RAD51B: variants seen among roughly 807,000 people sequenced by gnomAD.
RAD51B encodes the protein DNA repair protein RAD51 homolog 2.
A neutral mutation model predicts 42.2 loss-of-function variants in RAD51B; 38 were observed. The observed-to-expected ratio is 0.90, with a 90% confidence interval of 0.70 to 1.18. The LOEUF (loss-of-function observed/expected upper bound fraction) is 1.18, where lower values mean the gene tolerates loss of function less well. Among genes scored for constraint, RAD51B ranks in the 50% most tolerant of loss-of-function variants. RAD51B has a pLI of 0.00. For synonymous variants in RAD51B, 154 were observed against 145.2 expected (o/e 1.06, Z -0.43); for missense variants, 373 against 400.7 (o/e 0.93, Z 0.59).
chr14:68,272,981 G>T (rs1395184646), intron 7 of RAD51B, among the ~76,000 whole-genome samples: 2 of 151,662 alleles, frequency 1.3e-5, no homozygotes, highest in Non-Finnish European at 2.9e-5. Context: ...ACTGCGCCTG[G>T]CCCAACACTT....
chr14:67,881,120 C>T (rs539392472), intron 5 of RAD51B, among the ~76,000 whole-genome samples: 3 of 152,188 alleles, frequency 2.0e-5, no homozygotes, highest in African/African-American at 7.2e-5. Flanking sequence ...ATTTGTGTAT[C>T]TAAACAAAGG....
At chr14:68,342,319 G>T (rs922347450) in intron 8 of RAD51B, among the ~76,000 whole-genome samples, 1 of 152,202 alleles carries the variant, frequency 6.6e-6, no homozygotes, top group Admixed American at 6.5e-5. Flanking sequence ...GCTTCAGGGG[G>T]AAAGTCTTTG....
chr14:68,219,359 G>T (rs1362974275), intron 7 of RAD51B, among the ~76,000 whole-genome samples: 1 of 152,094 alleles, frequency 6.6e-6, no homozygotes, highest in Non-Finnish European at 1.5e-5. Flanking sequence ...TCTTGAAAGT[G>T]TCACCTTCTA....
intron 1 of RAD51B, among the ~76,000 whole-genome samples, chr14:67,820,196 C>T (rs2040579254): frequency 6.6e-6 from 1 of 152,148 alleles, no homozygotes; most frequent in Admixed American, 6.5e-5. Flanking sequence ...TTGAGGGACT[C>T]TCCCACTTCA....
At chr14:68,075,862 C>T (rs1810695868) in intron 7 of RAD51B, among the ~76,000 whole-genome samples, 1 of 152,226 alleles carries the variant, frequency 6.6e-6, no homozygotes, top group Middle Eastern at 3.2e-3. Context: ...GCCCTTTGTT[C>T]CTTCCCCAGC....
chr14:68,492,161 A>G (rs994077542), intron 10 of RAD51B, among the ~76,000 whole-genome samples: 15 of 152,124 alleles, frequency 9.9e-5, no homozygotes, highest in African/African-American at 3.6e-4. Context: ...TGACTCCCTC[A>G]CCTTTAAGTT....
intron 10 of RAD51B, among the ~76,000 whole-genome samples, chr14:68,527,234 T>C (rs1475931405): frequency 6.6e-6 from 1 of 152,180 alleles, no homozygotes; most frequent in Non-Finnish European, 1.5e-5. Context: ...CTTAACCTTA[T>C]CCCCATGAAA....
chr14:67,903,868 T>C lies in RAD51B; in HGVS notation c.756+16664T>C, dbSNP rs184517838. Among the ~76,000 whole-genome samples the C allele has an allele frequency of 3.4e-3, 524 of 152,326 alleles. 4 individuals carry two copies. The highest frequency in any genetic ancestry group is 4.9e-3 in the Non-Finnish European group (333 of 68,028). ...TTCATTACCCAGGTAATAAGCATAGTACCCAGTAGGTAGTTTTTCAGTGCA... is the reference window on the plus strand; with the variant it reads ...TTCATTACCCAGGTAATAAGCATAGCACCCAGTAGGTAGTTTTTCAGTGCA... On this transcript the variant is annotated intron_variant, in intron 7 of 10. Coordinates refer to ENST00000471583, the MANE Select transcript of RAD51B (RefSeq NM_133510.4).
intron 7 of RAD51B, among the ~76,000 whole-genome samples, chr14:68,195,426 C>A (rs1442430467): frequency 6.6e-6 from 1 of 152,112 alleles, no homozygotes; most frequent in African/African-American, 2.4e-5. Context: ...CTCCCAGTTT[C>A]CACTCTTACT....
At position 67,893,501 on chromosome 14, in the gene RAD51B, CACACACACAAAA is replaced by C. The variant is rs1257595064; in HGVS notation, c.756+6299_756+6310del. 8.8e-4 allele frequency among the ~76,000 whole-genome samples: 85 copies of C among 96,088 alleles called. 4 individuals are homozygous for C. The highest frequency in any genetic ancestry group is 4.6e-3 in the African/African-American group (83 of 17,898). The allele number at this position is 96,088 out of a possible 152,430, so 63.0% of individuals were successfully genotyped here. The stretch of plus-strand genomic sequence containing the variant: ...ACACACACACACACACACACACACA[CACACACACAAAA>C]AAAAACAATTAGCTGGGTGTGGTGC... On this transcript the variant is annotated intron_variant, in intron 7 of 10. Coordinates refer to ENST00000471583, the MANE Select transcript of RAD51B (RefSeq NM_133510.4).
chr14:68,323,085 G>T (rs2082185895), intron 8 of RAD51B, among the ~76,000 whole-genome samples: 1 of 152,160 alleles, frequency 6.6e-6, no homozygotes, highest in Non-Finnish European at 1.5e-5. Context: ...ACTCAGCCCA[G>T]AGCTGTTTTT....
At chr14:68,665,840 G>A (rs80085411) in intron 11 of RAD51B, among the ~76,000 whole-genome samples, 3,686 of 152,280 alleles carry the variant, frequency 0.024, 65 homozygotes, top group South Asian at 0.035. Flanking sequence ...CCTGCTCTCA[G>A]TCCATGAGAT....
chr14:68,236,963 C>T (rs559405379), intron 7 of RAD51B, among the ~76,000 whole-genome samples: 2 of 152,288 alleles, frequency 1.3e-5, no homozygotes, highest in East Asian at 3.9e-4. Context: ...CAAATTGATT[C>T]CCCAGCACTT....
intron 8 of RAD51B, among the ~76,000 whole-genome samples, chr14:68,410,878 T>G (rs1192855095): frequency 6.6e-6 from 1 of 152,042 alleles, no homozygotes; most frequent in Non-Finnish European, 1.5e-5. Context: ...AATAGGGATG[T>G]CTAAAACAGC....
At chr14:68,473,428 T>C (rs1882265635) in intron 10 of RAD51B, among the ~76,000 whole-genome samples, 2 of 152,176 alleles carry the variant, frequency 1.3e-5, no homozygotes, top group South Asian at 2.1e-4. Flanking sequence ...CCCAGGGAGA[T>C]GAGAAAGGAG....
chr14:67,835,376 TAAAAAC>T (rs2041202284), intron 4 of RAD51B, among the ~76,000 whole-genome samples, 180 bp downstream of exon 4: 1 of 152,162 alleles, frequency 6.6e-6, no homozygotes. Context: ...ACAGAGGTGT[TAAAAAC>T]AAAATCCTTG....
intron 3 of RAD51B, among the ~76,000 whole-genome samples, chr14:67,826,773 C>T (rs28373844): frequency 0.33 from 48,990 of 150,106 alleles, 8,260 homozygotes; most frequent in Middle Eastern, 0.45. Flanking sequence ...GCCTCCGCCT[C>T]CTGGGCTCAA....
intron 7 of RAD51B, among the ~76,000 whole-genome samples, chr14:68,273,116 A>C (rs549558364): frequency 6.6e-6 from 1 of 152,278 alleles, no homozygotes; most frequent in African/African-American, 2.4e-5. Context: ...TCTTCCTACA[A>C]GTGGTCAGAC....
chr14:67,883,473 A>G (rs998331154), intron 5 of RAD51B, among the ~76,000 whole-genome samples: 4 of 152,184 alleles, frequency 2.6e-5, no homozygotes, highest in Non-Finnish European at 5.9e-5. Context: ...CACACCAGGC[A>G]TCTTTCCACA....
Sources: gnomAD v4.1 joint callset for allele counts (sites outside exome capture counted in the v4.1 genomes callset) on GRCh38, gnomAD v4.1.1 for gene constraint, MANE v1.5 for transcripts, NCBI Gene and HGNC (gene_info 2026-07-23, HGNC 2026-07-21) for gene names.